Variants in WDR72 observed in about 807,000 individuals in gnomAD.
WDR72 encodes WD repeat domain 72, also known as WD repeat-containing protein 72.
WDR72 carries 120 observed loss-of-function variants against 124.2 expected under a neutral mutation model. That is an observed-to-expected ratio of 0.97 (90% CI 0.83 to 1.12). The LOEUF (loss-of-function observed/expected upper bound fraction) is 1.12. WDR72 is among the 50% of genes most tolerant of loss of function. The pLI, the probability that WDR72 is intolerant of heterozygous loss-of-function variation, is 0.00. For synonymous variants in WDR72, 452 were observed against 441.7 expected (o/e 1.02, Z -0.29); for missense variants, 1,387 against 1,278.8 (o/e 1.08, Z -1.29).
chr15:53,515,096 C>CACAT lies in WDR72; in HGVS notation c.*2602_*2603insATGT, dbSNP rs1891388875. ...ATATATATGTATGTATACACACACA[C>CACAT]ACACACACACAAATACATTCATAAA... is the stretch of plus-strand genomic sequence containing the variant. On this transcript the variant is annotated 3_prime_UTR_variant, in exon 20 of 20. Transcript: ENST00000360509. The CACAT allele has an allele frequency of 3.3e-5, 1 of 30,018 alleles. No individual in the cohort carries two copies. Among genetic ancestry groups the CACAT allele is most frequent in the Admixed American group, 4.1e-4 (1 of 2,428 alleles). The allele number at this position is 30,018 out of a possible 1,614,324, so 1.9% of individuals were successfully genotyped here.
intron 17 of WDR72, among the ~76,000 whole-genome samples, chr15:53,598,920 A>T (rs2012909365): frequency 6.6e-6 from 1 of 152,078 alleles, no homozygotes; most frequent in Admixed American, 6.6e-5. Flanking sequence ...TATCTACCAT[A>T]TGAGACCAGC....
At chr15:53,701,536 G>GTCTCTATCTCTC (rs2017174514) in intron 12 of WDR72, among the ~76,000 whole-genome samples, 1 of 101,504 alleles carries the variant, frequency 9.9e-6, no homozygotes, top group Non-Finnish European at 1.9e-5. Context: ...GTGAGACCCT[G>GTCTCTATCTCTC]TCTCTCTCTC....
chr15:53,538,906 G>C (rs1892911614), intron 18 of WDR72, among the ~76,000 whole-genome samples: 2 of 152,172 alleles, frequency 1.3e-5, no homozygotes, highest in South Asian at 4.1e-4. Flanking sequence ...CTTGCTTTTG[G>C]TCTTTACAAC....
In WDR72 at chr15:53,657,046, C is replaced by T. The variant is rs559762355; in HGVS notation, c.1962+8526G>A. Among the ~76,000 whole-genome samples the T allele has an allele frequency of 5.3e-5, 8 of 151,950 alleles. No homozygotes were observed. The South Asian group carries it at 1.7e-3, about 32-fold the overall frequency. Reference sequence around the variant, plus strand: ...TTGGGAGGCCAAGGCGGGCAGATCACAAGGTCAGGAGATCGAGACCATCCT... The same window carrying T: ...TTGGGAGGCCAAGGCGGGCAGATCATAAGGTCAGGAGATCGAGACCATCCT... On this transcript the variant is annotated intron_variant, in intron 14 of 19. Coordinates refer to ENST00000360509, the MANE Select transcript of WDR72 (RefSeq NM_182758.4).
intron 13 of WDR72, among the ~76,000 whole-genome samples, chr15:53,694,341 T>C (rs1723565855): frequency 6.6e-6 from 1 of 152,118 alleles, no homozygotes; most frequent in African/African-American, 2.4e-5. Flanking sequence ...TCTCCTCCCT[T>C]CCCATCAGCT....
At chr15:53,728,427 G>A (rs546105249) in intron 2 of WDR72, among the ~76,000 whole-genome samples, 10 of 152,224 alleles carry the variant, frequency 6.6e-5, no homozygotes, top group African/African-American at 1.2e-4. Context: ...AACATCTACC[G>A]TATTCCAGAC....
At chr15:53,525,378 C>T (rs1438967642) in intron 18 of WDR72, among the ~76,000 whole-genome samples, 1 of 151,972 alleles carries the variant, frequency 6.6e-6, no homozygotes, top group Admixed American at 6.6e-5. Context: ...TGAGGTGGCA[C>T]CTCTATTGAT....
At chr15:53,613,591 A>T in intron 16 of WDR72, 75 bp downstream of exon 16, 1 of 935,960 alleles carries the variant, frequency 1.1e-6, no homozygotes, top group Non-Finnish European at 1.7e-6. Flanking sequence ...ACTGCTAACC[A>T]GTTATAGAAA....
At chr15:53,715,105 A>T in intron 5 of WDR72, 88 bp downstream of exon 5, 1 of 1,438,030 alleles carries the variant, frequency 7.0e-7, no homozygotes, top group Middle Eastern at 1.9e-4. Flanking sequence ...ATTCTTTCTG[A>T]ATTTCTGCCC....
At chr15:53,683,619 C>T (rs1270674950) in intron 13 of WDR72, among the ~76,000 whole-genome samples, 1 of 151,968 alleles carries the variant, frequency 6.6e-6, no homozygotes, top group East Asian at 1.9e-4. Flanking sequence ...TTACATGTAC[C>T]TATTTCCCCA....
chr15:53,597,131 T>C lies in WDR72; in HGVS notation c.3096A>G (p.Glu1032=), dbSNP rs1433096172. 2 of 1,613,818 alleles carry C rather than the reference T, an allele frequency of 1.2e-6. No individual in the cohort carries two copies. ...CEMKQMLPKL[E]WTEELELQCV... Reference sequence around the variant, plus strand: ...ACTGTAACTCTAGTTCTTCTGTCCATTCCAGCTTTGGCAGCATCTGCTTCA... The same window carrying C: ...ACTGTAACTCTAGTTCTTCTGTCCACTCCAGCTTTGGCAGCATCTGCTTCA... The change falls in exon 18 of 20, where the codon GAA becomes GAG. Residue 1032 remains glutamate, a synonymous_variant. Transcript: ENST00000360509.
At chr15:53,643,488 A>G (rs2014928600) in intron 14 of WDR72, among the ~76,000 whole-genome samples, 1 of 152,112 alleles carries the variant, frequency 6.6e-6, no homozygotes, top group South Asian at 2.1e-4. Context: ...TAAAGTCCCT[A>G]GTTGTTTTGA....
At chr15:53,709,285 C>T (rs935526801) in intron 9 of WDR72, among the ~76,000 whole-genome samples, 2 of 152,154 alleles carry the variant, frequency 1.3e-5, no homozygotes, top group African/African-American at 2.4e-5. Flanking sequence ...TTTCCAGTTT[C>T]CAATTATTCT....
chr15:53,737,609 A>G (rs927761899), intron 1 of WDR72, among the ~76,000 whole-genome samples: 8 of 152,188 alleles, frequency 5.3e-5, no homozygotes, highest in African/African-American at 1.9e-4. Flanking sequence ...CCAGAAAAGG[A>G]TAATAGTCTC....
At chr15:53,559,923 G>A (rs2140292258) in intron 18 of WDR72, among the ~76,000 whole-genome samples, 1 of 152,034 alleles carries the variant, frequency 6.6e-6, no homozygotes, top group East Asian at 1.9e-4. Flanking sequence ...TAAATGATAA[G>A]CCTATTGGAT....
At chr15:53,712,600 A>T (rs2252191) in intron 7 of WDR72, among the ~76,000 whole-genome samples, 172 bp downstream of exon 7, 1,534 of 150,858 alleles carry the variant, frequency 0.01, 26 homozygotes, top group African/African-American at 0.036. Flanking sequence ...CAACCACCCC[A>T]CCGCCAAAAA....
chr15:53,678,174 T>C (rs959343922), intron 13 of WDR72, among the ~76,000 whole-genome samples: 2 of 152,222 alleles, frequency 1.3e-5, no homozygotes, highest in African/African-American at 4.8e-5. Context: ...TTTTCAAAAG[T>C]TCATATAAAA....
At chr15:53,754,962 T>C (rs1481623539) in intron 1 of WDR72, among the ~76,000 whole-genome samples, 1 of 152,214 alleles carries the variant, frequency 6.6e-6, no homozygotes, top group Non-Finnish European at 1.5e-5. Flanking sequence ...CTTGGCAGAA[T>C]TCAATTGGCT....
chr15:53,702,333 A>G lies in WDR72; in HGVS notation c.1370T>C (p.Leu457Pro). The G allele has an allele frequency of 6.2e-7, 1 of 1,613,844 alleles. No homozygotes were observed. The highest frequency in any genetic ancestry group is 8.5e-7 in the Non-Finnish European group (1 of 1,179,740). Residue 457 changes from leucine to proline, a missense_variant, in exon 12 of 20, where the codon CTT (leucine) becomes CCT (proline). Coordinates refer to ENST00000360509, the MANE Select transcript of WDR72 (RefSeq NM_182758.4). The stretch of plus-strand genomic sequence containing the variant: ...AGTGACACTTTGGTGGTGGCCTTTA[A>G]GAACTTTATGAGGGGGAGAATCTGA... ...LVKDSPPHKV[L>P]KGHHQSVTSL... is the part of the protein sequence containing the mutation.
Sources: allele counts gnomAD v4.1 joint callset (sites outside exome capture counted in the v4.1 genomes callset), GRCh38; gene constraint gnomAD v4.1.1; transcripts MANE v1.5; gene names NCBI Gene and HGNC (gene_info 2026-07-23, HGNC 2026-07-21).